MLX: variants seen among roughly 807,000 people sequenced by gnomAD.
The protein encoded by MLX is MAX dimerization protein MLX.
Under a neutral mutation model 33.0 loss-of-function variants are expected in MLX, and 15 were observed. The observed-to-expected ratio is 0.45, with a 90% CI of 0.30 to 0.70. The LOEUF (loss-of-function observed/expected upper bound fraction) is 0.70. Among genes scored for constraint, MLX ranks in the 30% least tolerant of loss-of-function variants. MLX has a pLI of 0.07. For missense variants in MLX, 285 were observed against 306.3 expected, an observed-to-expected ratio of 0.93 and a Z score of 0.52; for synonymous variants, 115 against 115.6, an observed-to-expected ratio of 0.99 and a Z score of 0.03.
chr17:42,569,319 G>A lies in MLX; in HGVS notation c.376+16G>A, dbSNP rs754510037. 1 of 1,610,634 alleles carries A rather than the reference G, an allele frequency of 6.2e-7. No homozygotes were observed. The highest frequency in any genetic ancestry group is 1.1e-5 in the South Asian group (1 of 90,996). ...CTACAAAAGAGTATGGCTAGGGAAA[G>A]CACTGGAGGGGATGGAGCCAAGCGG... On this transcript the variant is annotated intron_variant, in intron 5 of 7. Transcript: ENST00000435881.
intron 2 of MLX, 33 bp from the exon 3 acceptor site, chr17:42,568,437 C>G: frequency 2.0e-6 from 3 of 1,530,838 alleles, no homozygotes; most frequent in Non-Finnish European, 2.7e-6. Context: ...TTCCCCACCC[C>G]ACCCCTTAGT....
intron 5 of MLX, 34 bp from the exon 6 acceptor site, chr17:42,569,473 T>G (rs768019318): frequency 2.5e-6 from 4 of 1,576,942 alleles, no homozygotes; most frequent in African/African-American, 1.3e-5. Flanking sequence ...AGAATACTTC[T>G]GTACCTGTCC....
intron 7 of MLX, 90 bp from the exon 8 acceptor site, chr17:42,571,457 A>G: frequency 7.1e-7 from 1 of 1,409,818 alleles, no homozygotes; most frequent in South Asian, 1.2e-5. Context: ...GCACTTTTCT[A>G]AAGTACATGG....
rs562122560 is a variant in MLX at position 42,569,594 on chromosome 17, A to G, written c.464A>G (p.Lys155Arg). The change falls in exon 6 of 8, where the codon AAG becomes AGG. Residue 155 changes from lysine to arginine, a missense_variant. By Grantham distance (26) the Lys-to-Arg change is conservative. Coordinates refer to ENST00000435881, the MANE Select transcript of MLX (RefSeq NM_198204.2). ...STLRKDVTAL[K>R]IMKVNYEQIV... is the part of the protein sequence containing the mutation. ...TTACGCAAGGATGTCACCGCCCTAA[A>G]GATCATGAAAGTGTAAGAGGGGTGC... The G allele has an allele frequency of 2.7e-5, 44 of 1,613,876 alleles. No individual in the cohort carries two copies. The South Asian group carries it at 4.6e-4, about 17-fold the overall frequency.
rs1464555216 is a variant in MLX at position 42,567,163 on chromosome 17, C to T, written c.39C>T (p.Val13=). The change falls in exon 1 of 8, where the codon GTC becomes GTT. Residue 13 remains valine (V), a synonymous_variant. Transcript: ENST00000435881. The part of the protein sequence containing the change: ...EPGASPEDPW[V]KVEYAYSDNS... The stretch of plus-strand genomic sequence containing the variant: ...GCGCCTCTCCCGAGGACCCTTGGGT[C>T]AAGGCAAGCCCCGTGGGCGCGCACG... 1.6e-6 allele frequency: 2 copies of T among 1,285,630 alleles called. No homozygotes were observed. The highest frequency in any genetic ancestry group is 1.5e-5 in the African/African-American group (1 of 65,466). The allele number at this position is 1,285,630 out of a possible 1,614,324, so 79.6% of individuals were successfully genotyped here.
rs751912192 is a variant in MLX, at chr17:42,572,830, C to T, written c.*1227C>T. 111 of 1,047,622 alleles carry T rather than the reference C, an allele frequency of 1.1e-4. No individual in the cohort carries two copies. Among genetic ancestry groups the T allele is most frequent in the Non-Finnish European group, 1.4e-4 (93 of 688,082 alleles). 64.9% of individuals were successfully genotyped at this position (1,047,622 alleles called of 1,614,324 possible). On this transcript the variant is annotated 3_prime_UTR_variant, in exon 8 of 8. Transcript: ENST00000435881. ...TCTCTACCCAGTGCTCTGGTTTATG[C>T]TTGTCTCCTGACTGCTCTGCTTAAA... is the stretch of plus-strand genomic sequence containing the variant.
At chr17:42,569,856 G>T in intron 6 of MLX, 126 bp from the exon 7 acceptor site, 1 of 903,202 alleles carries the variant, frequency 1.1e-6, no homozygotes, top group Non-Finnish European at 1.7e-6. Context: ...GTATCTCCCT[G>T]ATACTGAACC....
At chr17:42,567,364 G>A (rs1467959811) in intron 1 of MLX, 198 bp downstream of exon 1, 1 of 1,401,198 alleles carries the variant, frequency 7.1e-7, no homozygotes, top group Non-Finnish European at 9.3e-7. Context: ...GCGCGAGTCG[G>A]GGGAACGGGG....
At chr17:42,569,917 C>T in intron 6 of MLX, 65 bp from the exon 7 acceptor site, 3 of 1,465,922 alleles carry the variant, frequency 2.0e-6, no homozygotes, top group Non-Finnish European at 2.9e-6. Context: ...ACAGGATAGT[C>T]CCGTCATTCT....
chr17:42,570,866 A>G (rs930492000), intron 7 of MLX, among the ~76,000 whole-genome samples: 14 of 152,092 alleles, frequency 9.2e-5, no homozygotes, highest in Non-Finnish European at 1.5e-4. Context: ...CGTGTTAGCC[A>G]GGATGGTCTC....
In MLX at chr17:42,571,797, T is replaced by TTAA. The variant is rs1302017541; in HGVS notation, c.*196_*198dup. On this transcript the variant is annotated 3_prime_UTR_variant, in exon 8 of 8. Coordinates refer to ENST00000435881, the MANE Select transcript of MLX (RefSeq NM_198204.2). ...GTGTTTGTTTTGTGAAAGCTTCTGA[T>TTAA]TAATTTATTATATTGACGATAAAAC... 2 of 601,434 alleles carry TTAA rather than the reference T, an allele frequency of 3.3e-6. No individual in the cohort carries two copies. Among genetic ancestry groups the TTAA allele is most frequent in the Non-Finnish European group, 5.9e-6 (2 of 336,798 alleles). The allele number at this position is 601,434 out of a possible 1,614,324, so 37.3% of individuals were successfully genotyped here. A position where few individuals can be genotyped will look rare whatever the true frequency, so the allele number is the denominator to read the frequency against.
intron 7 of MLX, among the ~76,000 whole-genome samples, chr17:42,570,783 G>A (rs996452357): frequency 6.6e-6 from 1 of 152,046 alleles, no homozygotes; most frequent in Non-Finnish European, 1.5e-5. Context: ...AGCCTCCCGA[G>A]TAGCTGGGAC....
In MLX at chr17:42,571,581, A is replaced by C; in HGVS notation, c.713A>C (p.Gln238Pro). 1 of 1,614,150 alleles carries C rather than the reference A, an allele frequency of 6.2e-7. No homozygotes were observed. Among genetic ancestry groups the C allele is most frequent in the African/African-American group, 1.3e-5 (1 of 75,040 alleles). ...GAGATTGTGATTGGCGTCCTGCACCAATTGAAAAACCAGCTTTACTGACCG... is the reference window on the plus strand; with the variant it reads ...GAGATTGTGATTGGCGTCCTGCACCCATTGAAAAACCAGCTTTACTGACCG... The part of the protein sequence containing the change: ...LREIVIGVLH[Q>P]LKNQLY Residue 238 changes from glutamine (Q) to proline (P), a missense_variant, in exon 8 of 8, where the codon CAA becomes CCA. By Grantham distance (76) the Gln-to-Pro change is moderately conservative. Coordinates refer to ENST00000435881, the MANE Select transcript of MLX (RefSeq NM_198204.2).
chr17:42,568,231 C>T (rs1020230651), intron 2 of MLX: 3 of 232,152 alleles, frequency 1.3e-5, no homozygotes, highest in Non-Finnish European at 1.7e-5. Flanking sequence ...GGCGTGGTGG[C>T]GGGCGCCTGT....
In MLX at chr17:42,568,797, C is replaced by T. The variant is rs200365255; in HGVS notation, c.170-40C>T. The T allele has an allele frequency of 7.8e-4, 1,204 of 1,533,984 alleles. 2 individuals are homozygous for T. Among genetic ancestry groups the T allele is most frequent in the Non-Finnish European group, 9.7e-4 (1,086 of 1,123,110 alleles). On this transcript the variant is annotated intron_variant, in intron 3 of 7. Transcript: ENST00000435881. ...GGTGGGCTAGCTGGACCCCACTGGG[C>T]CCCAAGATGACCTTTCCCTGCCCCC...
At chr17:42,567,361 T>G in intron 1 of MLX, 195 bp downstream of exon 1, 2 of 1,391,166 alleles carry the variant, frequency 1.4e-6, no homozygotes, top group Non-Finnish European at 1.9e-6. Context: ...TGCGCGCGAG[T>G]CGGGGGAACG....
chr17:42,568,601 T>G (rs1291264105), intron 3 of MLX, 42 bp downstream of exon 3: 2 of 1,549,128 alleles, frequency 1.3e-6, no homozygotes, highest in South Asian at 2.2e-5. Flanking sequence ...GGCTCAGATA[T>G]GTCATAATTG....
intron 6 of MLX, 63 bp downstream of exon 6, chr17:42,569,669 C>A: frequency 7.7e-7 from 1 of 1,301,188 alleles, no homozygotes; most frequent in Non-Finnish European, 1.1e-6. Flanking sequence ...CACACCCTCC[C>A]TTGTTCAAAG....
rs2093044780 is a variant in MLX at position 42,572,999 on chromosome 17, T to C, written c.*1396T>C. 1 of 1,614,138 alleles carries C rather than the reference T, an allele frequency of 6.2e-7. No homozygotes were observed. The highest frequency in any genetic ancestry group is 1.3e-5 in the African/African-American group (1 of 74,948). On this transcript the variant is annotated 3_prime_UTR_variant, in exon 8 of 8. Coordinates refer to ENST00000435881, the MANE Select transcript of MLX (RefSeq NM_198204.2). ...GTCTGGGAGTGTGACGTTGTAATCT[T>C]CATCCGTCTCTATCCCAACTTCCTC...
Sources: gnomAD v4.1 joint callset for allele counts (sites outside exome capture counted in the v4.1 genomes callset) on GRCh38, gnomAD v4.1.1 for gene constraint, MANE v1.5 for transcripts, NCBI Gene and HGNC (gene_info 2026-07-23, HGNC 2026-07-21) for gene names.